PCGF5: variants seen among roughly 807,000 people sequenced by gnomAD.
The protein encoded by PCGF5 is polycomb group ring finger 5.
PCGF5 carries 9 observed loss-of-function variants against 44.3 expected under a neutral mutation model. That is an observed-to-expected ratio of 0.20 (90% confidence interval 0.12 to 0.35). The LOEUF is 0.35. Among genes scored for constraint, PCGF5 ranks in the 10% least tolerant of loss-of-function variants. The pLI, the probability that PCGF5 is intolerant of heterozygous loss-of-function variation, is 1.00. For synonymous variants in PCGF5, 95 were observed against 102.5 expected (o/e 0.93, Z 0.44); for missense variants, 146 against 305.3 (o/e 0.48, Z 3.89).
chr10:91,179,333 A>T (rs11186489), intron 1 of PCGF5, among the ~76,000 whole-genome samples: 55,307 of 151,462 alleles, frequency 0.37, 10,819 homozygotes, highest in East Asian at 0.55. Context: ...TTTCTTTTTT[A>T]AAAAAAAATT....
At chr10:91,175,489 T>C (rs1037716436) in intron 1 of PCGF5, among the ~76,000 whole-genome samples, 1 of 152,166 alleles carries the variant, frequency 6.6e-6, no homozygotes, top group Admixed American at 6.5e-5. Flanking sequence ...CCATTTTTTC[T>C]ACAGTGAACC....
intron 1 of PCGF5, among the ~76,000 whole-genome samples, chr10:91,207,212 G>A (rs10748558): frequency 0.51 from 77,864 of 152,124 alleles, 24,177 homozygotes; most frequent in Non-Finnish European, 0.7. Flanking sequence ...GACCACTTTG[G>A]TGAGGGATGT....
chr10:91,173,595 TCC>T (rs35323355), intron 1 of PCGF5, among the ~76,000 whole-genome samples: 1 of 140,840 alleles, frequency 7.1e-6, no homozygotes, highest in Non-Finnish European at 1.6e-5. Context: ...TTTTTTTTTT[TCC>T]CACAGAAGCC....
chr10:91,167,152 CTAAAT>C (rs570211528), intron 1 of PCGF5, among the ~76,000 whole-genome samples: 2 of 139,128 alleles, frequency 1.4e-5, no homozygotes, highest in Admixed American at 6.7e-5. Context: ...AAGAGTTTGT[CTAAAT>C]TAACTTTTAT....
At chr10:91,264,566 C>A in intron 8 of PCGF5, 46 bp downstream of exon 8, 2 of 1,333,426 alleles carry the variant, frequency 1.5e-6, no homozygotes, top group East Asian at 2.3e-5. Flanking sequence ...AGTTATATAC[C>A]ATTATGTTAC....
chr10:91,206,143 G>A (rs1224054039), intron 1 of PCGF5, among the ~76,000 whole-genome samples: 4 of 152,000 alleles, frequency 2.6e-5, no homozygotes, highest in Non-Finnish European at 5.9e-5. Flanking sequence ...AATATTTATC[G>A]GAGAACTACT....
At chr10:91,250,101 A>G (rs1235318541) in intron 5 of PCGF5, among the ~76,000 whole-genome samples, 1 of 151,930 alleles carries the variant, frequency 6.6e-6, no homozygotes, top group East Asian at 1.9e-4. Context: ...CTCCCATTTT[A>G]AAGTATTTCT....
chr10:91,276,636 A>G (rs995991940), intron 9 of PCGF5, among the ~76,000 whole-genome samples: 3 of 152,232 alleles, frequency 2.0e-5, no homozygotes, highest in African/African-American at 4.8e-5. Flanking sequence ...TTTCAGCCGG[A>G]AACTGAGAAA....
intron 3 of PCGF5, among the ~76,000 whole-genome samples, chr10:91,247,049 A>T (rs1302343523): frequency 6.6e-6 from 1 of 152,134 alleles, no homozygotes; most frequent in Admixed American, 6.6e-5. Context: ...TTTTGAAGCC[A>T]CAAAAGCAGA....
intron 8 of PCGF5, among the ~76,000 whole-genome samples, chr10:91,268,345 T>C (rs992874294): frequency 3.9e-5 from 6 of 152,196 alleles, no homozygotes; most frequent in African/African-American, 1.4e-4. Flanking sequence ...TAGTACCTAT[T>C]AGGGAAAAAT....
At chr10:91,201,113 CTTAG>C (rs531979463) in intron 1 of PCGF5, among the ~76,000 whole-genome samples, 6 of 152,122 alleles carry the variant, frequency 3.9e-5, no homozygotes, top group Non-Finnish European at 8.8e-5. Context: ...TGGGAGCTGT[CTTAG>C]TTTGTTTTCT....
chr10:91,247,984 TC>T (rs1845511628), intron 3 of PCGF5, among the ~76,000 whole-genome samples: 1 of 152,134 alleles, frequency 6.6e-6, no homozygotes, highest in Non-Finnish European at 1.5e-5. Flanking sequence ...GCTGTGCTGA[TC>T]TTGGGGGATG....
intron 1 of PCGF5, among the ~76,000 whole-genome samples, chr10:91,221,182 G>A (rs1198925941): frequency 6.6e-6 from 1 of 152,166 alleles, no homozygotes; most frequent in Non-Finnish European, 1.5e-5. Flanking sequence ...GGAGAACGCA[G>A]AAAAGTTCCC....
intron 9 of PCGF5, among the ~76,000 whole-genome samples, chr10:91,273,136 ATT>A (rs895339535): frequency 1.5e-4 from 23 of 152,216 alleles, no homozygotes; most frequent in Non-Finnish European, 2.9e-4. Flanking sequence ...TAGTAAGTAA[ATT>A]TAACATCTCT....
intron 1 of PCGF5, among the ~76,000 whole-genome samples, chr10:91,214,500 T>G (rs971185133): frequency 1.3e-5 from 2 of 152,090 alleles, no homozygotes; most frequent in African/African-American, 4.8e-5. Flanking sequence ...TTAGAGAATT[T>G]AAGGGAACTG....
chr10:91,260,578 A>G (rs1845875938), intron 6 of PCGF5, among the ~76,000 whole-genome samples: 1 of 152,164 alleles, frequency 6.6e-6, no homozygotes, highest in African/African-American at 2.4e-5. Context: ...CAACAACGAT[A>G]AACTGGATTA....
In PCGF5 at chr10:91,271,382, A is replaced by G. The variant is rs867792121; in HGVS notation, c.664-256A>G. Among the ~76,000 whole-genome samples the G allele has an allele frequency of 3.3e-5, 5 of 152,144 alleles. No homozygotes were observed. The South Asian group carries it at 1.0e-3, about 31-fold the overall frequency. ...TATTTGTAAAGGATATGGAAAGGAG[A>G]GGCCACCATTTTTGCATTTGCAGAA... On this transcript the variant is annotated intron_variant, in intron 8 of 9. Transcript: ENST00000336126.
At chr10:91,193,768 C>T (rs1443922008) in intron 1 of PCGF5, among the ~76,000 whole-genome samples, 1 of 151,982 alleles carries the variant, frequency 6.6e-6, no homozygotes, top group Non-Finnish European at 1.5e-5. Flanking sequence ...AGAAAATAGA[C>T]TCTAGTAGAC....
chr10:91,272,810 G>A (rs1041608901), intron 9 of PCGF5, among the ~76,000 whole-genome samples: 20 of 151,980 alleles, frequency 1.3e-4, no homozygotes, highest in African/African-American at 4.1e-4. Flanking sequence ...AAAATCCACC[G>A]TTCTTTTATT....
Sources: allele counts gnomAD v4.1 joint callset (sites outside exome capture counted in the v4.1 genomes callset), GRCh38; gene constraint gnomAD v4.1.1; transcripts MANE v1.5; gene names NCBI Gene and HGNC (gene_info 2026-07-23, HGNC 2026-07-21).